Variants in NELFB observed in about 807,000 individuals in gnomAD.
The protein encoded by NELFB is negative elongation factor complex member B, also known as negative elongation factor B.
NELFB carries 34 observed loss-of-function variants against 60.2 expected under a neutral mutation model. The observed-to-expected ratio is 0.56, with a 90% confidence interval of 0.43 to 0.75. The LOEUF (loss-of-function observed/expected upper bound fraction) is 0.75, where lower values mean the gene tolerates loss of function less well. NELFB is among the 30% of genes least tolerant of loss of function. NELFB has a pLI of 0.00. For synonymous variants in NELFB, 459 were observed against 382.1 expected, an observed-to-expected ratio of 1.20 and a Z score of -2.35; for missense variants, 770 against 831.6, an observed-to-expected ratio of 0.93 and a Z score of 0.91.
rs1279578857 is a variant in NELFB at position 137,273,044 on chromosome 9, G to T, written c.*116G>T. The T allele has an allele frequency of 8.2e-7, 1 of 1,214,546 alleles. No homozygotes were observed. Among genetic ancestry groups the T allele is most frequent in the African/African-American group, 1.5e-5 (1 of 64,742 alleles). 75.2% of individuals were successfully genotyped at this position (1,214,546 alleles called of 1,614,324 possible). On this transcript the variant is annotated 3_prime_UTR_variant, in exon 13 of 13. Transcript: ENST00000343053. ...AGTCTCTCTTCCCGGGGCTATGGCT[G>T]GGCCTGTCCTGCCGTCATGGCCCCC...
intron 6 of NELFB, among the ~76,000 whole-genome samples, chr9:137,264,917 C>T (rs1172056623): frequency 6.6e-6 from 1 of 151,600 alleles, no homozygotes; most frequent in African/African-American, 2.4e-5. Context: ...TCTGCAGTGG[C>T]GTGGGGTCAG....
intron 10 of NELFB, 73 bp from the exon 11 acceptor site, chr9:137,272,008 T>G: frequency 6.3e-7 from 1 of 1,588,612 alleles, no homozygotes; most frequent in Non-Finnish European, 8.6e-7. Flanking sequence ...GGTTCTGAGG[T>G]CTTTGAGGAC....
At chr9:137,264,389 T>G in intron 6 of NELFB, 32 bp downstream of exon 6, 1 of 1,496,224 alleles carries the variant, frequency 6.7e-7, no homozygotes, top group Non-Finnish European at 9.1e-7. Flanking sequence ...CCTCTGCCCC[T>G]CAGGGCCCTG....
At chr9:137,263,545 G>A (rs1830482194) in intron 5 of NELFB, among the ~76,000 whole-genome samples, 2 of 145,140 alleles carry the variant, frequency 1.4e-5, no homozygotes, top group East Asian at 2.0e-4. Context: ...TCTCCTCTCC[G>A]TGGGTTTGGC....
chr9:137,261,935 C>T (rs1021648944), intron 4 of NELFB, among the ~76,000 whole-genome samples: 7 of 151,918 alleles, frequency 4.6e-5, no homozygotes, highest in African/African-American at 7.3e-5. Context: ...ACGTGGTTCA[C>T]GTGTCCGCTT....
intron 3 of NELFB, 68 bp from the exon 4 acceptor site, chr9:137,256,756 C>T (rs546558655): frequency 6.6e-7 from 1 of 1,512,024 alleles, no homozygotes; most frequent in Admixed American, 1.8e-5. Flanking sequence ...GCTGAGGCCT[C>T]TTGGCTTGTC....
Position 137,255,888 on chromosome 9 carries a change from T to C in NELFB, c.247-19T>C. 1 of 1,611,028 alleles carries C rather than the reference T, an allele frequency of 6.2e-7. No individual in the cohort carries two copies. On this transcript the variant is annotated intron_variant, in intron 1 of 12. Transcript: ENST00000343053. Reference sequence around the variant, plus strand: ...CGGGCGCACTGGGCTGCGTTTGAGGTTTCTCTTGGCTTCCTCAGACAGAGA... The same window carrying C: ...CGGGCGCACTGGGCTGCGTTTGAGGCTTCTCTTGGCTTCCTCAGACAGAGA...
chr9:137,265,630 C>T (rs1486843898), intron 6 of NELFB, among the ~76,000 whole-genome samples: 1 of 151,704 alleles, frequency 6.6e-6, no homozygotes, highest in African/African-American at 2.4e-5. Context: ...CCTGGTGATC[C>T]ATCCGCCTCG....
At chr9:137,266,005 G>C in intron 7 of NELFB, 26 bp downstream of exon 7, 1 of 1,553,332 alleles carries the variant, frequency 6.4e-7, no homozygotes, top group East Asian at 2.2e-5. Context: ...GCCAGCAGCT[G>C]TCGGGGCCAT....
intron 4 of NELFB, among the ~76,000 whole-genome samples, chr9:137,257,856 T>G (rs1588884407): frequency 6.6e-6 from 1 of 152,072 alleles, no homozygotes; most frequent in Non-Finnish European, 1.5e-5. Flanking sequence ...TTGCACAGGC[T>G]GGAGTGCAGT....
intron 7 of NELFB, 64 bp downstream of exon 7, chr9:137,266,043 G>A: frequency 7.6e-7 from 1 of 1,322,734 alleles, no homozygotes; most frequent in Non-Finnish European, 1.1e-6. Context: ...TGCTCTGGGT[G>A]GTCAGGGTGT....
intron 4 of NELFB, 32 bp from the exon 5 acceptor site, chr9:137,263,005 G>T (rs1056624784): frequency 6.2e-6 from 10 of 1,603,612 alleles, no homozygotes; most frequent in Non-Finnish European, 8.5e-6. Context: ...GCCCAGGACG[G>T]TCTGGGGGCC....
At chr9:137,262,297 C>T (rs1830458133) in intron 4 of NELFB, among the ~76,000 whole-genome samples, 1 of 152,164 alleles carries the variant, frequency 6.6e-6, no homozygotes, top group African/African-American at 2.4e-5. Flanking sequence ...GGTGTTGTTC[C>T]TTCACATTTT....
chr9:137,257,847 T>G (rs1324714918), intron 4 of NELFB, among the ~76,000 whole-genome samples: 1 of 150,876 alleles, frequency 6.6e-6, no homozygotes, highest in African/African-American at 2.4e-5. Flanking sequence ...CTCACTCTGT[T>G]GCACAGGCTG....
chr9:137,273,018 C>T lies in NELFB; in HGVS notation c.*90C>T. On this transcript the variant is annotated 3_prime_UTR_variant, in exon 13 of 13. Coordinates refer to ENST00000343053, the MANE Select transcript of NELFB (RefSeq NM_015456.5). ...GGCTCCCGGACCTGGATGTACAGGG[C>T]AGTCTCTCTTCCCGGGGCTATGGCT... 1 of 1,350,430 alleles carries T rather than the reference C, an allele frequency of 7.4e-7. No individual in the cohort carries two copies. Among genetic ancestry groups the T allele is most frequent in the South Asian group, 1.5e-5 (1 of 65,556 alleles). The allele number at this position is 1,350,430 out of a possible 1,614,324, so 83.7% of individuals were successfully genotyped here. A position where few individuals can be genotyped will look rare whatever the true frequency, so the allele number is the denominator to read the frequency against.
rs778133202 is a variant in NELFB, at chr9:137,263,055, C to T, written c.760C>T (p.Arg254Trp). 124 of 1,612,960 alleles carry T rather than the reference C, an allele frequency of 7.7e-5. No individual in the cohort carries two copies. The highest frequency in any genetic ancestry group is 1.7e-4 in the Middle Eastern group (1 of 6,054). Residue 254 changes from arginine to tryptophan, a missense_variant, in exon 5 of 13, where the codon CGG becomes TGG. By Grantham distance (101) the Arg-to-Trp change is moderately radical (BLOSUM62 -3). Transcript: ENST00000343053. ...GCTGCAGGTGGTGCAGCGGCTGACG[C>T]GGATGGTGGGGAAGAACGTGAAGCT... is the stretch of plus-strand genomic sequence containing the variant.
chr9:137,272,756 C>T, intron 12 of NELFB, 26 bp from the exon 13 acceptor site: 1 of 1,529,210 alleles, frequency 6.5e-7, no homozygotes, highest in Non-Finnish European at 8.8e-7. Context: ...TGCGCCTCGC[C>T]TGCCCCATGG....
intron 6 of NELFB, 38 bp downstream of exon 6, chr9:137,264,395 C>G (rs1257103469): frequency 6.9e-7 from 1 of 1,451,646 alleles, no homozygotes; most frequent in Non-Finnish European, 9.5e-7. Context: ...CCCCTCAGGG[C>G]CCTGCGTGCA....
chr9:137,264,584 G>A (rs1415818856), intron 6 of NELFB, among the ~76,000 whole-genome samples: 4 of 152,228 alleles, frequency 2.6e-5, no homozygotes, highest in Admixed American at 6.5e-5. Context: ...TCCTGCCTCA[G>A]CCTCCCAAGT....
Sources: allele counts gnomAD v4.1 joint callset (sites outside exome capture counted in the v4.1 genomes callset), GRCh38; gene constraint gnomAD v4.1.1; transcripts MANE v1.5; gene names NCBI Gene and HGNC (gene_info 2026-07-23, HGNC 2026-07-21).